Variants in SCN1A observed in about 807,000 individuals in gnomAD.
SCN1A encodes sodium voltage-gated channel alpha subunit 1, also known as sodium channel protein type 1 subunit alpha.
SCN1A carries 13 observed loss-of-function variants against 193.7 expected under a neutral mutation model. The ratio of observed to expected loss-of-function variants is 0.07; its 90% CI spans 0.04 to 0.11. SCN1A has a LOEUF of 0.11. SCN1A is among the 10% of genes least tolerant of loss of function. The pLI is 1.00. For missense variants in SCN1A, 1,432 were observed against 2,451.1 expected (o/e 0.58, Z 8.78); for synonymous variants, 781 against 843.6 (o/e 0.93, Z 1.29).
chr2:166,046,290 C>A (rs1697813590), intron 12 of SCN1A, among the ~76,000 whole-genome samples: 1 of 152,082 alleles, frequency 6.6e-6, no homozygotes, highest in Non-Finnish European at 1.5e-5. Context: ...TTGGATGCTG[C>A]TGTATCAGAG....
intron 9 of SCN1A, among the ~76,000 whole-genome samples, chr2:166,050,637 A>ATATATATATATATATATATATATATATG (rs1553548987): frequency 1.3e-5 from 1 of 77,212 alleles, no homozygotes; most frequent in Admixed American, 1.7e-4. Context: ...ATATATATAT[A>ATATATATATATATATATATATATATATG]TGTGTGTATA....
At position 166,015,691 on chromosome 2, in the gene SCN1A, T is replaced by G. The variant is rs1164238483; in HGVS notation, c.3466A>C (p.Thr1156Pro). Residue 1156 changes from threonine (T) to proline (P), a missense_variant, in exon 20 of 29, where the codon ACT (threonine) becomes CCT (proline). Thr to Pro is a conservative substitution (Grantham distance 38, BLOSUM62 -1). This residue lies in a region of SCN1A where 198 missense variants were observed against 225.8 expected (regional missense o/e 0.88). Coordinates refer to ENST00000674923, the MANE Select transcript of SCN1A (RefSeq NM_001165963.4). ...NESSSSSEGS[T>P]VDIGAPVEEQ... ...TCTACAGGTGCGCCGATGTCCACAGTGCTACCTTCTGATGAGCTACTGCTT... is the reference window on the plus strand; with the variant it reads ...TCTACAGGTGCGCCGATGTCCACAGGGCTACCTTCTGATGAGCTACTGCTT... 6.2e-7 allele frequency: 1 copy of G among 1,612,764 alleles called. No homozygotes were observed. Among genetic ancestry groups the G allele is most frequent in the East Asian group, 2.2e-5 (1 of 44,834 alleles).
intron 2 of SCN1A, among the ~76,000 whole-genome samples, chr2:166,115,550 T>G (rs920218568): frequency 2.0e-5 from 3 of 152,074 alleles, no homozygotes; most frequent in African/African-American, 7.2e-5. Flanking sequence ...ATATATGAGT[T>G]TAGAATAGGA....
Position 166,013,747 on chromosome 2 carries a change from A to G in SCN1A, c.3702T>C (p.Ala1234=). 4 of 1,611,560 alleles carry G rather than the reference A, an allele frequency of 2.5e-6. No homozygotes were observed. Among genetic ancestry groups the G allele is most frequent in the Non-Finnish European group, 3.4e-6 (4 of 1,178,196 alleles). Residue 1234 remains alanine (A), a synonymous_variant, in exon 21 of 29, where the codon GCT becomes GCC. Coordinates refer to ENST00000674923, the MANE Select transcript of SCN1A (RefSeq NM_001165963.4). ...IVFMILLSSG[A]LAFEDIYIDQ... is the part of the protein sequence containing the mutation. ...ACCTTTTCTTAATCTCACTCACCAG[A>G]GCACCACTACTAAGGAGAATCATGA...
chr2:166,106,907 C>G (rs979267550), intron 2 of SCN1A, among the ~76,000 whole-genome samples: 1 of 152,042 alleles, frequency 6.6e-6, no homozygotes, highest in Non-Finnish European at 1.5e-5. Flanking sequence ...CTTTAAGTGC[C>G]CAATACACTA....
Position 166,068,265 on chromosome 2 carries a change from A to G in SCN1A, c.264+5093T>C, listed in dbSNP as rs143374969. 6.2e-4 allele frequency among the ~76,000 whole-genome samples: 95 copies of G among 152,320 alleles called. No individual in the cohort carries two copies. The Middle Eastern group carries it at 0.01, about 16-fold the overall frequency. On this transcript the variant is annotated intron_variant, in intron 4 of 28. Coordinates refer to ENST00000674923, the MANE Select transcript of SCN1A (RefSeq NM_001165963.4). Reference sequence around the variant, plus strand: ...GAAACTTTCAGTTGAAGGATCTCCTATAGATATGGCAGATACTCTAAAAAT... The same window carrying G: ...GAAACTTTCAGTTGAAGGATCTCCTGTAGATATGGCAGATACTCTAAAAAT...
rs575696901 is a variant in SCN1A, at chr2:166,016,189, G to A, written c.3430-462C>T. 1.3e-4 allele frequency: 22 copies of A among 170,470 alleles called. 1 individual carries two copies. In the South Asian group the frequency reaches 3.1e-3, roughly 24 times the overall value. The allele number at this position is 170,470 out of a possible 1,614,324, so 10.6% of individuals were successfully genotyped here. Reference sequence around the variant, plus strand: ...CCTGTGTGTACAGATACTACCTGTTGTTTTCACTTATGTTACTAAGATTCA... The same window carrying A: ...CCTGTGTGTACAGATACTACCTGTTATTTTCACTTATGTTACTAAGATTCA... On this transcript the variant is annotated intron_variant, in intron 19 of 28. Coordinates refer to ENST00000674923, the MANE Select transcript of SCN1A (RefSeq NM_001165963.4).
rs1331740674 is a variant in SCN1A, at chr2:166,007,446, A to G, written c.4002+2273T>C. ...AAAAAGAAGGTATTTAAGATTTCCT[A>G]GGTTAGGAAATTAAAAATACAAATT... On this transcript the variant is annotated intron_variant, in intron 23 of 28. Coordinates refer to ENST00000674923, the MANE Select transcript of SCN1A (RefSeq NM_001165963.4). Among the ~76,000 whole-genome samples the G allele has an allele frequency of 2.0e-5, 3 of 151,360 alleles. No homozygotes were observed. Among genetic ancestry groups the G allele is most frequent in the African/African-American group, 2.4e-5 (1 of 41,362 alleles).
intron 14 of SCN1A, among the ~76,000 whole-genome samples, chr2:166,042,627 C>A (rs1159192191): frequency 1.3e-5 from 2 of 152,046 alleles, no homozygotes; most frequent in African/African-American, 4.8e-5. Context: ...CAGCAAAAAC[C>A]AAGATGTTAA....
intron 2 of SCN1A, among the ~76,000 whole-genome samples, chr2:166,118,197 G>GAAGATAC (rs145706773): frequency 0.024 from 3,528 of 146,916 alleles, 318 homozygotes; most frequent in Admixed American, 0.16. Flanking sequence ...TGGTCCCAGA[G>GAAGATAC]AAGATACAGT....
At chr2:166,103,909 T>TGTGTATAGCTAGAGCA in intron 2 of SCN1A, among the ~76,000 whole-genome samples, 1 of 152,204 alleles carries the variant, frequency 6.6e-6, no homozygotes, top group South Asian at 2.1e-4. Flanking sequence ...AAAGTGATAC[T>TGTGTATAGCTAGAGCA]GTGTATAGCT....
intron 4 of SCN1A, among the ~76,000 whole-genome samples, chr2:166,064,710 C>T (rs1289838134): frequency 6.6e-6 from 1 of 151,976 alleles, no homozygotes; most frequent in Admixed American, 6.6e-5. Context: ...AATCTAGGGG[C>T]CATATTCTTC....
chr2:166,058,714 A>C (rs1212914411), intron 4 of SCN1A, 26 bp from the exon 5 acceptor site: 1 of 1,242,622 alleles, frequency 8.0e-7, no homozygotes, highest in African/African-American at 1.5e-5. Context: ...ACAACATAGA[A>C]GTATGAAAGT....
In SCN1A at chr2:165,993,005, T is replaced by G. The variant is rs539403212; in HGVS notation, c.4853-583A>C. On this transcript the variant is annotated intron_variant, in intron 28 of 28. Coordinates refer to ENST00000674923, the MANE Select transcript of SCN1A (RefSeq NM_001165963.4). ...TAGTATCCTGTACTTAATGTTGTATTTCAATTCTTTTTGGTCTCCTGTACC... is the reference window on the plus strand; with the variant it reads ...TAGTATCCTGTACTTAATGTTGTATGTCAATTCTTTTTGGTCTCCTGTACC... 2.0e-5 allele frequency: 3 copies of G among 152,358 alleles called. No homozygotes were observed. The East Asian group carries it at 5.8e-4, about 29-fold the overall frequency. The allele number at this position is 152,358 out of a possible 1,614,324, so 9.4% of individuals were successfully genotyped here. A position where few individuals can be genotyped will look rare whatever the true frequency, so the allele number is the denominator to read the frequency against.
chr2:165,996,070 A>G lies in SCN1A; in HGVS notation c.4524T>C (p.Tyr1508=), dbSNP rs778620898. Residue 1508 remains tyrosine (Y), a synonymous_variant, in exon 27 of 29, where the codon TAT becomes TAC. Transcript: ENST00000674923. ...TCGATCCTAATTTTTTCATTGCATT[A>G]TAGTATTTCTTCTGTTCTTCTGTCA... is the stretch of plus-strand genomic sequence containing the variant. The part of the protein sequence containing the change: ...IFMTEEQKKY[Y]NAMKKLGSKK... The G allele has an allele frequency of 9.3e-6, 15 of 1,609,590 alleles. No individual in the cohort carries two copies. The highest frequency in any genetic ancestry group is 1.1e-5 in the Non-Finnish European group (13 of 1,177,084).
intron 2 of SCN1A, among the ~76,000 whole-genome samples, chr2:166,105,703 T>C (rs1688614601): frequency 6.6e-6 from 1 of 152,202 alleles, no homozygotes; most frequent in Non-Finnish European, 1.5e-5. Context: ...TATCCAATAT[T>C]CACTAGTGAA....
In SCN1A at chr2:166,066,736, C is replaced by A. The variant is rs904662498; in HGVS notation, c.264+6622G>T. ...AATTCTGACTCTATCCATTATTCTC[C>A]ATCTCCATTGTCAAAATGCTAGATC... On this transcript the variant is annotated intron_variant, in intron 4 of 28. Coordinates refer to ENST00000674923, the MANE Select transcript of SCN1A (RefSeq NM_001165963.4). 2.0e-5 allele frequency among the ~76,000 whole-genome samples: 3 copies of A among 152,256 alleles called. No individual in the cohort carries two copies. In the East Asian group the frequency reaches 5.8e-4, roughly 29 times the overall value.
intron 1 of SCN1A, among the ~76,000 whole-genome samples, chr2:166,146,541 C>T (rs771993103): frequency 1.3e-5 from 2 of 152,188 alleles, no homozygotes; most frequent in Non-Finnish European, 2.9e-5. Flanking sequence ...TTTCTATGGA[C>T]ACTTTGTGGG....
intron 19 of SCN1A, among the ~76,000 whole-genome samples, chr2:166,029,532 G>A (rs965614407): frequency 6.6e-5 from 10 of 152,044 alleles, no homozygotes; most frequent in East Asian, 5.8e-4. Context: ...GGAGATTGTC[G>A]TATGTTCCTT....
Sources: gnomAD v4.1 joint callset for allele counts (sites outside exome capture counted in the v4.1 genomes callset) on GRCh38, gnomAD v4.1.1 for gene constraint, gnomAD v4.1.1 regional missense constraint, MANE v1.5 for transcripts, NCBI Gene and HGNC (gene_info 2026-07-23, HGNC 2026-07-21) for gene names.